KNTC1: variants seen among roughly 807,000 people sequenced by gnomAD.
KNTC1 encodes kinetochore associated 1.
In KNTC1, 253 loss-of-function variants were observed where a neutral mutation model predicts 314.4. The observed-to-expected ratio is 0.80, with a 90% CI of 0.73 to 0.89. KNTC1 has a LOEUF of 0.89. KNTC1 is among the 40% of genes least tolerant of loss of function. The probability of loss-of-function intolerance (pLI) is 0.00; values close to 1 mark genes in which losing one functional copy is unlikely to be tolerated. For synonymous variants in KNTC1, 901 were observed against 901.4 expected, an observed-to-expected ratio of 1.00 and a Z score of 0.01; for missense variants, 2,475 against 2,572.9, an observed-to-expected ratio of 0.96 and a Z score of 0.82.
At chr12:122,617,821 C>G (rs1338688759) in intron 57 of KNTC1, among the ~76,000 whole-genome samples, 1 of 152,156 alleles carries the variant, frequency 6.6e-6, no homozygotes, top group African/African-American at 2.4e-5. Context: ...TTAACAGCGG[C>G]CTCTAGAGAG....
chr12:122,624,737 TCCTAGGG>T (rs1314605911), intron 63 of KNTC1, 49 bp downstream of exon 63: 1 of 1,293,100 alleles, frequency 7.7e-7, no homozygotes, highest in African/African-American at 1.5e-5. Context: ...TTGTTTATAT[TCCTAGGG>T]CCTTAAAATT....
At chr12:122,598,749 A>T (rs1234501748) in intron 44 of KNTC1, among the ~76,000 whole-genome samples, 1 of 151,906 alleles carries the variant, frequency 6.6e-6, no homozygotes, top group East Asian at 1.9e-4. Context: ...ATGCATAACT[A>T]TTATTCCATT....
chr12:122,550,371 C>T (rs1329475711), intron 13 of KNTC1, among the ~76,000 whole-genome samples: 1 of 152,056 alleles, frequency 6.6e-6, no homozygotes, highest in Non-Finnish European at 1.5e-5. Flanking sequence ...AAATGTAACT[C>T]AAATACAGTA....
intron 57 of KNTC1, among the ~76,000 whole-genome samples, chr12:122,615,933 T>C (rs1403112708): frequency 6.6e-6 from 1 of 152,148 alleles, no homozygotes; most frequent in Non-Finnish European, 1.5e-5. Context: ...CACATCTTTA[T>C]TTATGCTCTC....
rs560445078 is a variant in KNTC1, at chr12:122,548,540, G to A, written c.987+571G>A. ...AAGTGTTTATTAGAGTGACTCTTAC[G>A]TAGTTCTGGCACTGAGGAATTACAT... On this transcript the variant is annotated intron_variant, in intron 12 of 63. Transcript: ENST00000333479. Among the ~76,000 whole-genome samples, 16 of 152,196 alleles carry A rather than the reference G, an allele frequency of 1.1e-4. No homozygotes were observed. The South Asian group carries it at 2.7e-3, about 26-fold the overall frequency.
intron 4 of KNTC1, among the ~76,000 whole-genome samples, chr12:122,538,756 G>C (rs1466015936): frequency 2.0e-5 from 3 of 152,158 alleles, no homozygotes; most frequent in Non-Finnish European, 2.9e-5. Context: ...TCCCCGAAGG[G>C]CTTAGCTCTT....
At chr12:122,538,099 C>T (rs1306798785) in intron 3 of KNTC1, among the ~76,000 whole-genome samples, 1 of 152,164 alleles carries the variant, frequency 6.6e-6, no homozygotes, top group Non-Finnish European at 1.5e-5. Context: ...GGTGGTACCA[C>T]TGCACTCCAG....
intron 2 of KNTC1, among the ~76,000 whole-genome samples, chr12:122,532,180 C>T (rs923368904): frequency 6.6e-6 from 1 of 150,572 alleles, no homozygotes; most frequent in African/African-American, 2.4e-5. Flanking sequence ...ATTATAGGCG[C>T]CTGCCACCAC....
intron 43 of KNTC1, among the ~76,000 whole-genome samples, chr12:122,595,123 G>A (rs148880360): frequency 1.3e-5 from 2 of 152,118 alleles, no homozygotes; most frequent in African/African-American, 2.4e-5. Flanking sequence ...TGATTCACCC[G>A]CCTCGGCCTC....
chr12:122,542,734 A>G (rs1227919686), intron 6 of KNTC1, among the ~76,000 whole-genome samples: 1 of 152,062 alleles, frequency 6.6e-6, no homozygotes, highest in Non-Finnish European at 1.5e-5. Context: ...GTTGCACTCC[A>G]GCCTGGGCAG....
intron 57 of KNTC1, among the ~76,000 whole-genome samples, 196 bp from the exon 58 acceptor site, chr12:122,618,147 T>G (rs1022389262): frequency 2.6e-5 from 4 of 152,164 alleles, no homozygotes; most frequent in African/African-American, 4.8e-5. Flanking sequence ...AATTTTTGTA[T>G]TTTTAGTAGA....
intron 54 of KNTC1, 86 bp downstream of exon 54, chr12:122,613,316 A>C (rs1368101532): frequency 1.1e-6 from 1 of 881,584 alleles, no homozygotes. Flanking sequence ...AATTCAGAAG[A>C]GCATAGTAGA....
Position 122,541,287 on chromosome 12 carries a change from G to GCCTGCCTTCCTTCCTTCCTT in KNTC1, c.446-760_446-759insGCCTTCCTTCCTTCCTTCCT, listed in dbSNP as rs758235054. 3.1e-3 allele frequency among the ~76,000 whole-genome samples: 378 copies of GCCTGCCTTCCTTCCTTCCTT among 120,962 alleles called. 4 individuals carry two copies. Among genetic ancestry groups the GCCTGCCTTCCTTCCTTCCTT allele is most frequent in the East Asian group, 0.031 (129 of 4,142 alleles). 79.4% of individuals were successfully genotyped at this position (120,962 alleles called of 152,430 possible). A position where few individuals can be genotyped will look rare whatever the true frequency, so the allele number is the denominator to read the frequency against. The stretch of plus-strand genomic sequence containing the variant: ...TGCCTGCCTGCCTGCCTGCCTGCCT[G>GCCTGCCTTCCTTCCTTCCTT]CCTTCCTTCCTTCCTTCCTTCCTTC... On this transcript the variant is annotated intron_variant, in intron 5 of 63. Coordinates refer to ENST00000333479, the MANE Select transcript of KNTC1 (RefSeq NM_014708.6).
At chr12:122,620,997 C>G (rs1363993230) in intron 60 of KNTC1, among the ~76,000 whole-genome samples, 1 of 152,200 alleles carries the variant, frequency 6.6e-6, no homozygotes, top group Non-Finnish European at 1.5e-5. Flanking sequence ...CACTTGATCT[C>G]TTCATAGCAA....
chr12:122,601,025 ATGTT>A (rs1474839935), intron 44 of KNTC1, among the ~76,000 whole-genome samples: 3 of 152,068 alleles, frequency 2.0e-5, no homozygotes, highest in African/African-American at 7.2e-5. Flanking sequence ...TTTAGCATGT[ATGTT>A]TATCCTCACA....
At chr12:122,612,443 G>A (rs1294681132) in intron 53 of KNTC1, among the ~76,000 whole-genome samples, 2 of 145,116 alleles carry the variant, frequency 1.4e-5, no homozygotes, top group Non-Finnish European at 3.0e-5. Flanking sequence ...TTGAGAGAGA[G>A]TCTCACTCTG....
rs564114245 is a variant in KNTC1, at chr12:122,582,585, CAT to C, written c.2983-119_2983-118del. On this transcript the variant is annotated intron_variant, in intron 33 of 63. Transcript: ENST00000333479. ...AATATACCCAGGTGAGAAGCCCAGA[CAT>C]GTACCCCTGAATCTAAAATAAAAGT... is the stretch of plus-strand genomic sequence containing the variant. 1.6e-4 allele frequency: 144 copies of C among 886,594 alleles called. No individual in the cohort carries two copies. The African/African-American group carries it at 2.3e-3, about 14-fold the overall frequency. The allele number at this position is 886,594 out of a possible 1,614,324, so 54.9% of individuals were successfully genotyped here. A position where few individuals can be genotyped will look rare whatever the true frequency, so the allele number is the denominator to read the frequency against.
intron 20 of KNTC1, 29 bp from the exon 21 acceptor site, chr12:122,568,232 T>C: frequency 9.1e-7 from 1 of 1,098,746 alleles, no homozygotes; most frequent in East Asian, 2.4e-5. Context: ...TTTTTAAAAC[T>C]GACTTTTTTC....
At chr12:122,609,102 C>T in intron 51 of KNTC1, 1 of 363,768 alleles carries the variant, frequency 2.7e-6, no homozygotes, top group Non-Finnish European at 4.9e-6. Context: ...TGCATGTCAG[C>T]TCCAGGAGGA....
Sources: gnomAD v4.1 joint callset for allele counts (sites outside exome capture counted in the v4.1 genomes callset) on GRCh38, gnomAD v4.1.1 for gene constraint, MANE v1.5 for transcripts, NCBI Gene and HGNC (gene_info 2026-07-23, HGNC 2026-07-21) for gene names.